Variants in AGAP1 observed in about 807,000 individuals in gnomAD.
The protein encoded by AGAP1 is ArfGAP with GTPase domain, ankyrin repeat and PH domain 1, also known as arf-GAP with GTPase, ANK repeat and PH domain-containing protein 1.
In AGAP1, 29 loss-of-function variants were observed where a neutral mutation model predicts 105.3. The observed-to-expected ratio is 0.28, with a 90% CI of 0.21 to 0.38. The LOEUF (loss-of-function observed/expected upper bound fraction) is 0.38, where lower values mean the gene tolerates loss of function less well. AGAP1 is among the 10% of genes least tolerant of loss of function. The pLI, the probability that AGAP1 is intolerant of heterozygous loss-of-function variation, is 1.00. For missense variants in AGAP1, 998 were observed against 1,165.1 expected (o/e 0.86, Z 2.09); for synonymous variants, 509 against 485.9 (o/e 1.05, Z -0.63).
At chr2:235,766,865 C>T in intron 6 of AGAP1, among the ~76,000 whole-genome samples, 1 of 151,952 alleles carries the variant, frequency 6.6e-6, no homozygotes, top group East Asian at 1.9e-4. Context: ...CCTCAGCCTC[C>T]CGAGTAGCTG....
In AGAP1 at chr2:235,982,713, C is replaced by T. The variant is rs1314146332; in HGVS notation, c.1645+14090C>T. ...CCGAAGCCAGCCCTTGGCTGCCATT[C>T]TTTCCAGACTTCCACCATTGTGCCC... On this transcript the variant is annotated intron_variant, in intron 13 of 17. Transcript: ENST00000304032. This position sits in a 1 kb window ranked among gnomAD's most constrained non-coding sequence, Gnocchi z 4.9. Among the ~76,000 whole-genome samples, 2 of 152,232 alleles carry T rather than the reference C, an allele frequency of 1.3e-5. No individual in the cohort carries two copies. The highest frequency in any genetic ancestry group is 4.1e-4 in the South Asian group (2 of 4,834).
rs1951302047 is a variant in AGAP1 at position 235,720,037 on chromosome 2, T to C, written c.310+2393T>C. On this transcript the variant is annotated intron_variant, in intron 3 of 17. Coordinates refer to ENST00000304032, the MANE Select transcript of AGAP1 (RefSeq NM_001037131.3). This position sits in a 1 kb window ranked among gnomAD's most constrained non-coding sequence, Gnocchi z 5.0. ...GACCAGGGAATGGACTTCTACTTCC[T>C]GTTCATGTGACTGTGTGCCTCATGA... Among the ~76,000 whole-genome samples the C allele has an allele frequency of 1.3e-5, 2 of 152,206 alleles. No homozygotes were observed. Among genetic ancestry groups the C allele is most frequent in the African/African-American group, 4.8e-5 (2 of 41,450 alleles).
intron 1 of AGAP1, among the ~76,000 whole-genome samples, chr2:235,627,886 T>G (rs1946693494): frequency 6.6e-6 from 1 of 152,168 alleles, no homozygotes; most frequent in Admixed American, 6.5e-5. Context: ...GAAAAATATG[T>G]CCTATAATCT....
intron 1 of AGAP1, among the ~76,000 whole-genome samples, chr2:235,637,580 C>T (rs1237280033): frequency 6.6e-6 from 1 of 152,052 alleles, no homozygotes; most frequent in Non-Finnish European, 1.5e-5. Context: ...CCGTGCTCGG[C>T]CTTCATTATT....
In AGAP1 at chr2:235,517,944, A is replaced by AAAG. The variant is rs1553556937; in HGVS notation, c.163+23097_163+23098insGAA. Reference sequence around the variant, plus strand: ...TGAGACTCCGTTTCAAAAAAAAAAAAAAAGAAAAAAAAAAGGTAGAACTCA... The same window carrying AAAG: ...TGAGACTCCGTTTCAAAAAAAAAAAAAAGAAAGAAAAAAAAAAGGTAGAACTCA... On this transcript the variant is annotated intron_variant, in intron 1 of 17. Transcript: ENST00000304032. The surrounding 1 kb of genome is among the most constrained non-coding windows in gnomAD (Gnocchi z 4.1). Among the ~76,000 whole-genome samples, 379 of 141,672 alleles carry AAAG rather than the reference A, an allele frequency of 2.7e-3. 12 individuals are homozygous for AAAG. The highest frequency in any genetic ancestry group is 5.2e-3 in the African/African-American group (198 of 38,244). The allele number at this position is 141,672 out of a possible 152,430, so 92.9% of individuals were successfully genotyped here.
chr2:235,984,183 T>G (rs1575968359), intron 13 of AGAP1, among the ~76,000 whole-genome samples: 1 of 152,372 alleles, frequency 6.6e-6, no homozygotes, highest in African/African-American at 2.4e-5. Flanking sequence ...CTTTTGTGTC[T>G]GGCATCTTAT....
Position 235,740,948 on chromosome 2 carries a change from T to TTG in AGAP1, c.311-6_311-5dup. The TTG allele has an allele frequency of 6.2e-7, 1 of 1,614,170 alleles. No homozygotes were observed. The highest frequency in any genetic ancestry group is 1.3e-5 in the African/African-American group (1 of 75,076). On this transcript the variant is annotated splice_polypyrimidine_tract_variant and intron_variant, in intron 3 of 17. Coordinates refer to ENST00000304032, the MANE Select transcript of AGAP1 (RefSeq NM_001037131.3). The surrounding 1 kb of genome is among the most constrained non-coding windows in gnomAD (Gnocchi z 5.7). ...TGTTGTTCTCGTGTAACGAGATGTT[T>TTG]TGTGTGTGTGGCAGGTGGCAGGTTC... is the stretch of plus-strand genomic sequence containing the variant.
At chr2:235,771,133 C>T (rs1955411430) in intron 6 of AGAP1, among the ~76,000 whole-genome samples, 1 of 152,180 alleles carries the variant, frequency 6.6e-6, no homozygotes, top group Non-Finnish European at 1.5e-5. Context: ...CGGCATGGCC[C>T]CCAGCACCTT....
In AGAP1 at chr2:235,750,577, G is replaced by A; in HGVS notation, c.673+89G>A. On this transcript the variant is annotated intron_variant, in intron 6 of 17. Coordinates refer to ENST00000304032, the MANE Select transcript of AGAP1 (RefSeq NM_001037131.3). This position sits in a 1 kb window ranked among gnomAD's most constrained non-coding sequence, Gnocchi z 5.3. ...CAGTCCTGCCTGCACTTGTGCATGT[G>A]GGTGGTGGAAATATGTCGTTGATGG... 6.3e-7 allele frequency: 1 copy of A among 1,579,892 alleles called. No homozygotes were observed.
At chr2:235,783,980 G>A (rs975345932) in intron 6 of AGAP1, among the ~76,000 whole-genome samples, 27 of 147,850 alleles carry the variant, frequency 1.8e-4, no homozygotes, top group Admixed American at 6.8e-4. Flanking sequence ...ACGGACGGAC[G>A]GATGGACGGA....
In AGAP1 at chr2:235,729,041, T is replaced by A. The variant is rs900011208; in HGVS notation, c.310+11397T>A. On this transcript the variant is annotated intron_variant, in intron 3 of 17. Transcript: ENST00000304032. This position sits in a 1 kb window ranked among gnomAD's most constrained non-coding sequence, Gnocchi z 5.0. ...TGGGGTTGGCCAGGCAGAGGCATGA[T>A]AAGAGTCAGAGTGGCTGGGCTCCAG... is the stretch of plus-strand genomic sequence containing the variant. Among the ~76,000 whole-genome samples, 7 of 152,066 alleles carry A rather than the reference T, an allele frequency of 4.6e-5. No homozygotes were observed. The highest frequency in any genetic ancestry group is 1.7e-4 in the African/African-American group (7 of 41,356).
intron 16 of AGAP1, among the ~76,000 whole-genome samples, chr2:236,112,982 G>C (rs1171199571): frequency 6.6e-6 from 1 of 152,156 alleles, no homozygotes; most frequent in Non-Finnish European, 1.5e-5. Context: ...AGCCGGGTCT[G>C]TCAGTTCTAG....
rs1351948807 is a variant in AGAP1, at chr2:236,083,829, C to CTGCCCTCA, written c.2114+34548_2114+34549insTGCCCTCA. ...GCAAGGAGTGCCTCTTCTGAGATCC[C>CTGCCCTCA]ATTCGATGCTCTGCCCTCAATTAAA... On this transcript the variant is annotated intron_variant, in intron 16 of 17. Coordinates refer to ENST00000304032, the MANE Select transcript of AGAP1 (RefSeq NM_001037131.3). This position sits in a 1 kb window ranked among gnomAD's most constrained non-coding sequence, Gnocchi z 5.3. Among the ~76,000 whole-genome samples, 1 of 152,092 alleles carries CTGCCCTCA rather than the reference C, an allele frequency of 6.6e-6. No individual in the cohort carries two copies. The highest frequency in any genetic ancestry group is 6.5e-5 in the Admixed American group (1 of 15,278).
In AGAP1 at chr2:235,958,229, A is replaced by G. The variant is rs1439696899; in HGVS notation, c.1484-10233A>G. ...TTCGTGGCGTGCCCCTCATCAAACT[A>G]CGTCCCCTGAGGGAGAGTGGTTGGA... On this transcript the variant is annotated intron_variant, in intron 12 of 17. Coordinates refer to ENST00000304032, the MANE Select transcript of AGAP1 (RefSeq NM_001037131.3). This position sits in a 1 kb window ranked among gnomAD's most constrained non-coding sequence, Gnocchi z 4.1. Among the ~76,000 whole-genome samples the G allele has an allele frequency of 2.0e-5, 3 of 152,020 alleles. No homozygotes were observed. The highest frequency in any genetic ancestry group is 2.9e-5 in the Non-Finnish European group (2 of 68,008).
At position 236,038,815 on chromosome 2, in the gene AGAP1, TTGTATGTGTGTG is replaced by T. The variant is rs1340155571; in HGVS notation, c.1801-1932_1801-1921del. On this transcript the variant is annotated intron_variant, in intron 14 of 17. Transcript: ENST00000304032. The surrounding 1 kb of genome is among the most constrained non-coding windows in gnomAD (Gnocchi z 4.5). ...CACAGAGAGACAGAGGCACATCCCTTTGTATGTGTGTGTGTGTGTGTGTGTGTGTGTGTGATC... is the reference window on the plus strand; with the variant it reads ...CACAGAGAGACAGAGGCACATCCCTTTGTGTGTGTGTGTGTGTGTGTGATC... Among the ~76,000 whole-genome samples, 4 of 128,572 alleles carry T rather than the reference TTGTATGTGTGTG, an allele frequency of 3.1e-5. No homozygotes were observed. The highest frequency in any genetic ancestry group is 1.1e-4 in the African/African-American group (3 of 28,164). 84.3% of individuals were successfully genotyped at this position (128,572 alleles called of 152,430 possible).
intron 12 of AGAP1, among the ~76,000 whole-genome samples, chr2:235,937,236 G>T (rs1032409844): frequency 6.6e-6 from 1 of 152,142 alleles, no homozygotes; most frequent in Non-Finnish European, 1.5e-5. Context: ...TGCTCGGCTC[G>T]CCAGGCTGGC....
At chr2:235,511,904 GA>G (rs1942142177) in intron 1 of AGAP1, among the ~76,000 whole-genome samples, 1 of 151,482 alleles carries the variant, frequency 6.6e-6, no homozygotes, top group Non-Finnish European at 1.5e-5. Flanking sequence ...GAGTGTGAAT[GA>G]GTATGTGGAT....
rs779400666 is a variant in AGAP1 at position 235,621,067 on chromosome 2, G to C, written c.164-88112G>C. On this transcript the variant is annotated intron_variant, in intron 1 of 17. Coordinates refer to ENST00000304032, the MANE Select transcript of AGAP1 (RefSeq NM_001037131.3). The surrounding 1 kb of genome is among the most constrained non-coding windows in gnomAD (Gnocchi z 4.1). ...ACCCAGTCTCGCTCTTGTCTCCCAG[G>C]CTGGAGTACAATGGCACAATCTTGG... is the stretch of plus-strand genomic sequence containing the variant. Among the ~76,000 whole-genome samples the C allele has an allele frequency of 1.3e-5, 2 of 152,070 alleles. No homozygotes were observed. The highest frequency in any genetic ancestry group is 4.8e-5 in the African/African-American group (2 of 41,406).
intron 13 of AGAP1, among the ~76,000 whole-genome samples, chr2:236,025,596 C>T (rs1255283876): frequency 1.3e-5 from 2 of 152,124 alleles, no homozygotes; most frequent in African/African-American, 2.4e-5. Flanking sequence ...AGTGTAAACA[C>T]GGATTAAACA....
Sources: gnomAD v4.1 joint callset for allele counts (sites outside exome capture counted in the v4.1 genomes callset) on GRCh38, gnomAD v4.1.1 for gene constraint, Gnocchi (gnomAD v3.1) non-coding constraint, MANE v1.5 for transcripts, NCBI Gene and HGNC (gene_info 2026-07-23, HGNC 2026-07-21) for gene names.